ACTR3C: variants seen among roughly 807,000 people sequenced by gnomAD.
The protein encoded by ACTR3C is actin related protein 3C.
ACTR3C carries 18 observed loss-of-function variants against 26.3 expected under a neutral mutation model. That is an observed-to-expected ratio of 0.68 (90% CI 0.47 to 1.01). The LOEUF (loss-of-function observed/expected upper bound fraction) is 1.01. ACTR3C is among the 50% of genes least tolerant of loss of function. The pLI is 0.00. For missense variants in ACTR3C, 184 were observed against 250.7 expected (o/e 0.73, Z 1.80); for synonymous variants, 55 against 94.5 (o/e 0.58, Z 2.42).
chr7:150,157,305 T>C, the ACTR3C span, among the ~76,000 whole-genome samples: 2 of 152,078 alleles, frequency 1.3e-5, no homozygotes, highest in African/African-American at 4.8e-5. Flanking sequence ...GATACAAAGA[T>C]ACTCCTTGGG....
At chr7:150,051,421 G>A in the ACTR3C span, among the ~76,000 whole-genome samples, 48 of 149,424 alleles carry the variant, frequency 3.2e-4, no homozygotes, top group African/African-American at 9.5e-4. Context: ...AAGATACCCC[G>A]AAGAGGAGCA....
the ACTR3C span, among the ~76,000 whole-genome samples, chr7:150,216,645 G>T: frequency 6.6e-6 from 1 of 152,020 alleles, no homozygotes; most frequent in Non-Finnish European, 1.5e-5. Flanking sequence ...CATACCCTCT[G>T]GGACCTGCTC....
chr7:150,172,778 G>A, the ACTR3C span, among the ~76,000 whole-genome samples: 4 of 150,838 alleles, frequency 2.7e-5, no homozygotes, highest in African/African-American at 1.0e-4. Context: ...CCAGTATTGG[G>A]TAAATATAGC....
At chr7:149,891,563 C>T in the ACTR3C span, 13 of 215,000 alleles carry the variant, frequency 6.0e-5, 1 homozygote, top group Middle Eastern at 2.0e-3. Flanking sequence ...CAGTGGCTCA[C>T]GCCTCTAATC....
chr7:149,937,584 C>T, the ACTR3C span, among the ~76,000 whole-genome samples: 1 of 152,148 alleles, frequency 6.6e-6, no homozygotes, highest in African/African-American at 2.4e-5. Context: ...CCTAACATTT[C>T]AACACCTGTA....
chr7:150,137,093 A>C, the ACTR3C span, among the ~76,000 whole-genome samples: 1 of 152,226 alleles, frequency 6.6e-6, no homozygotes, highest in Non-Finnish European at 1.5e-5. Flanking sequence ...AGTCATGCTC[A>C]CTCACCTGCT....
At chr7:149,964,510 G>T in the ACTR3C span, among the ~76,000 whole-genome samples, 2 of 152,176 alleles carry the variant, frequency 1.3e-5, no homozygotes, top group Non-Finnish European at 2.9e-5. Flanking sequence ...ATGAGGTGAA[G>T]GGGTAAGAAG....
the ACTR3C span, among the ~76,000 whole-genome samples, chr7:150,100,672 T>C: frequency 6.6e-6 from 1 of 150,540 alleles, no homozygotes; most frequent in Non-Finnish European, 1.5e-5. Flanking sequence ...TATATATATA[T>C]TTTCCACCTT....
At chr7:150,017,867 C>A in the ACTR3C span, among the ~76,000 whole-genome samples, 49 of 150,370 alleles carry the variant, frequency 3.3e-4, 2 homozygotes, top group Non-Finnish European at 2.8e-4. Flanking sequence ...GAATCTCTTC[C>A]CTTCAATAGC....
At chr7:150,242,341 C>G (rs2129608498), downstream of ACTR3C, among the ~76,000 whole-genome samples, 1 of 149,858 alleles carries the variant, frequency 6.7e-6, no homozygotes, top group African/African-American at 2.5e-5. Context: ...ACTGTACAAT[C>G]TACAGTAGAA....
the ACTR3C span, among the ~76,000 whole-genome samples, chr7:150,220,746 C>CA: frequency 6.6e-6 from 1 of 152,298 alleles, no homozygotes; most frequent in African/African-American, 2.4e-5. Flanking sequence ...CGCGCGCACT[C>CA]ACGCCCTCCC....
intron 6 of ACTR3C, among the ~76,000 whole-genome samples, chr7:150,263,941 C>T (rs943410466): frequency 2.6e-5 from 4 of 152,350 alleles, no homozygotes; most frequent in African/African-American, 9.6e-5. Context: ...AGGAAGACAG[C>T]TGCAGGTGGA....
chr7:150,230,096 G>A, the ACTR3C span, among the ~76,000 whole-genome samples: 1 of 150,920 alleles, frequency 6.6e-6, no homozygotes, highest in Non-Finnish European at 1.5e-5. Flanking sequence ...GTGATGATGG[G>A]TGCCTATAAT....
chr7:150,131,277 G>T, the ACTR3C span, among the ~76,000 whole-genome samples: 1 of 151,670 alleles, frequency 6.6e-6, no homozygotes, highest in Non-Finnish European at 1.5e-5. Context: ...GTAACTTTCT[G>T]TCAAAGTTTT....
the ACTR3C span, among the ~76,000 whole-genome samples, chr7:150,118,705 C>T: frequency 7.1e-6 from 1 of 141,642 alleles, no homozygotes; most frequent in Admixed American, 7.1e-5. Context: ...GCAAGGCAGG[C>T]CAACATTCAA....
At chr7:150,239,595 G>T (rs1171511212), downstream of ACTR3C, among the ~76,000 whole-genome samples, 3 of 130,008 alleles carry the variant, frequency 2.3e-5, no homozygotes, top group Non-Finnish European at 4.8e-5. Context: ...AATATATAAA[G>T]AAAAATAAAT....
chr7:150,185,819 AACC>A, the ACTR3C span, among the ~76,000 whole-genome samples: 1 of 152,148 alleles, frequency 6.6e-6, no homozygotes, highest in Non-Finnish European at 1.5e-5. Flanking sequence ...CCTACAGAAG[AACC>A]ACAACCAGCT....
At chr7:150,249,771 T>A (rs994769260) in intron 6 of ACTR3C, among the ~76,000 whole-genome samples, 11 of 152,162 alleles carry the variant, frequency 7.2e-5, no homozygotes, top group African/African-American at 2.7e-4. Flanking sequence ...CATGAGTTTT[T>A]AAAAGCGATA....
At chr7:150,222,385 G>A in the ACTR3C span, among the ~76,000 whole-genome samples, 9 of 152,226 alleles carry the variant, frequency 5.9e-5, no homozygotes, top group African/African-American at 1.9e-4. Context: ...TCCACGTGAG[G>A]AAACTGAGGC....
Sources: allele counts gnomAD v4.1 joint callset (sites outside exome capture counted in the v4.1 genomes callset), GRCh38; gene constraint gnomAD v4.1.1; transcripts MANE v1.5; gene names NCBI Gene and HGNC (gene_info 2026-07-23, HGNC 2026-07-21).